Variants in LARP4B observed in about 807,000 individuals in gnomAD.
LARP4B encodes la-related protein 4B.
A neutral mutation model predicts 89.8 loss-of-function variants in LARP4B; 12 were observed. The ratio of observed to expected loss-of-function variants is 0.13; its 90% CI spans 0.09 to 0.22. The LOEUF is 0.22. Ranked by LOEUF, LARP4B falls within the 10% of genes least tolerant of loss-of-function variation. The pLI, the probability that LARP4B is intolerant of heterozygous loss-of-function variation, is 1.00. For synonymous variants in LARP4B, 367 were observed against 363.3 expected (o/e 1.01, Z -0.12); for missense variants, 757 against 947.7 (o/e 0.80, Z 2.64).
intron 1 of LARP4B, among the ~76,000 whole-genome samples, chr10:914,467 C>A (rs1359990713): frequency 2.0e-5 from 3 of 151,738 alleles, no homozygotes; most frequent in Non-Finnish European, 4.4e-5. Flanking sequence ...CCACTGCACT[C>A]CAGCCTGGGC....
chr10:924,585 C>T (rs1258323896), intron 1 of LARP4B, among the ~76,000 whole-genome samples: 5 of 152,240 alleles, frequency 3.3e-5, no homozygotes, highest in African/African-American at 4.8e-5. Context: ...CTCCCAGCCG[C>T]GTTCTCTTCC....
intron 5 of LARP4B, among the ~76,000 whole-genome samples, chr10:863,284 C>T (rs1167777047): frequency 6.6e-6 from 1 of 150,876 alleles, no homozygotes; most frequent in Non-Finnish European, 1.5e-5. Context: ...AGTGCAGTGG[C>T]ACGATCTCGG....
At chr10:967,615 G>A in the LARP4B span, among the ~76,000 whole-genome samples, 3 of 152,198 alleles carry the variant, frequency 2.0e-5, no homozygotes, top group Non-Finnish European at 4.4e-5. Flanking sequence ...TAGGAAGGAG[G>A]AGGCTCAGCC....
At chr10:941,737 T>G in the LARP4B span, among the ~76,000 whole-genome samples, 1 of 152,068 alleles carries the variant, frequency 6.6e-6, no homozygotes, top group Non-Finnish European at 1.5e-5. Flanking sequence ...TTTCAGTTAT[T>G]TTTTTATTTT....
chr10:852,502 C>G (rs1834107114), intron 5 of LARP4B, among the ~76,000 whole-genome samples: 1 of 152,198 alleles, frequency 6.6e-6, no homozygotes, highest in Non-Finnish European at 1.5e-5. Flanking sequence ...GGGCACAGAC[C>G]TAAAACCACC....
chr10:928,003 A>C (rs1837195199), intron 1 of LARP4B, among the ~76,000 whole-genome samples: 1 of 152,054 alleles, frequency 6.6e-6, no homozygotes. Context: ...ACCTGCGGTC[A>C]GGAGTTCAAG....
intron 5 of LARP4B, among the ~76,000 whole-genome samples, chr10:856,345 A>T (rs1834302185): frequency 6.6e-6 from 1 of 152,240 alleles, no homozygotes; most frequent in Non-Finnish European, 1.5e-5. Flanking sequence ...ATTACAAAAA[A>T]ATGCTGCAAC....
the LARP4B span, among the ~76,000 whole-genome samples, chr10:967,454 A>T: frequency 6.6e-6 from 1 of 152,208 alleles, no homozygotes; most frequent in Admixed American, 6.5e-5. Flanking sequence ...AACTCTCAGA[A>T]GGTGAAACCA....
At chr10:923,042 T>C (rs1390513305) in intron 1 of LARP4B, among the ~76,000 whole-genome samples, 1 of 151,446 alleles carries the variant, frequency 6.6e-6, no homozygotes, top group African/African-American at 2.4e-5. Flanking sequence ...GCCACTGCAC[T>C]CCAGCCTGGG....
the LARP4B span, among the ~76,000 whole-genome samples, chr10:977,648 T>G: frequency 6.6e-6 from 1 of 152,236 alleles, no homozygotes; most frequent in African/African-American, 2.4e-5. Context: ...GTTCTTTTTC[T>G]TGTTATTATT....
intron 1 of LARP4B, among the ~76,000 whole-genome samples, chr10:908,001 T>A (rs536164095): frequency 5.9e-5 from 9 of 151,450 alleles, no homozygotes; most frequent in African/African-American, 1.7e-4. Flanking sequence ...AGGTTAGGAG[T>A]TCAAGACCAG....
At chr10:842,725 CA>C (rs2131729966) in intron 7 of LARP4B, among the ~76,000 whole-genome samples, 1 of 152,260 alleles carries the variant, frequency 6.6e-6, no homozygotes, top group South Asian at 2.1e-4. Context: ...TTTGAGGTTT[CA>C]TAACGGGTTC....
chr10:948,369 C>T, the LARP4B span, among the ~76,000 whole-genome samples: 8 of 152,304 alleles, frequency 5.3e-5, 1 homozygote, highest in South Asian at 1.7e-3. Context: ...GCCTTAGCCT[C>T]CCAAGTAGCT....
At chr10:960,878 A>G in the LARP4B span, among the ~76,000 whole-genome samples, 5 of 152,148 alleles carry the variant, frequency 3.3e-5, no homozygotes, top group Non-Finnish European at 7.3e-5. Flanking sequence ...TATTCTCAGA[A>G]CAAGAAAAAA....
chr10:834,035 T>C (rs1269794748), intron 8 of LARP4B, among the ~76,000 whole-genome samples: 3 of 152,110 alleles, frequency 2.0e-5, no homozygotes, highest in Admixed American at 1.3e-4. Context: ...CATACTAATG[T>C]CAATCAAGGA....
At position 929,176 on chromosome 10, in the gene LARP4B, T is replaced by C. The variant is rs533582377; in HGVS notation, c.-40+2252A>G. Among the ~76,000 whole-genome samples, 6 of 152,262 alleles carry C rather than the reference T, an allele frequency of 3.9e-5. No homozygotes were observed. In the South Asian group the frequency reaches 1.0e-3, roughly 26 times the overall value. ...CTGCTTTCTCCAAATATGCATTCTG[T>C]GCTCAGAAGCTGTTTTCTCTGCCCA... On this transcript the variant is annotated intron_variant, in intron 1 of 17. Transcript: ENST00000316157.
chr10:947,433 T>C, the LARP4B span, among the ~76,000 whole-genome samples: 5 of 151,914 alleles, frequency 3.3e-5, no homozygotes, highest in Non-Finnish European at 5.9e-5. Context: ...TCCCAGGCAG[T>C]CAGAACACAC....
At chr10:833,867 A>G (rs1833059589) in intron 8 of LARP4B, among the ~76,000 whole-genome samples, 2 of 150,826 alleles carry the variant, frequency 1.3e-5, no homozygotes, top group Non-Finnish European at 3.0e-5. Flanking sequence ...CCAGCCTGGC[A>G]ACAGAGCAAG....
At chr10:849,210 AG>A (rs1217330026) in intron 5 of LARP4B, among the ~76,000 whole-genome samples, 2 of 152,202 alleles carry the variant, frequency 1.3e-5, no homozygotes, top group Non-Finnish European at 2.9e-5. Context: ...TGGGACAAAA[AG>A]AAACAGAACA....
Sources: gnomAD v4.1 joint callset for allele counts (sites outside exome capture counted in the v4.1 genomes callset) on GRCh38, gnomAD v4.1.1 for gene constraint, MANE v1.5 for transcripts, NCBI Gene and HGNC (gene_info 2026-07-23, HGNC 2026-07-21) for gene names.